The following SMOC2 variants were observed in gnomAD, a reference collection of about 807,000 sequenced individuals.
SMOC2 encodes the protein SPARC related modular calcium binding 2.
A neutral mutation model predicts 61.4 loss-of-function variants in SMOC2; 39 were observed. That is an observed-to-expected ratio of 0.64 (90% CI 0.49 to 0.83). The LOEUF is 0.83. SMOC2 is among the 40% of genes least tolerant of loss of function. SMOC2 has a pLI of 0.00. For missense variants in SMOC2, 556 were observed against 592.9 expected (o/e 0.94, Z 0.65); for synonymous variants, 247 against 239.9 (o/e 1.03, Z -0.27).
chr6:168,659,079 A>G lies in SMOC2; in HGVS notation c.1286-4995A>G, dbSNP rs117366900. Among the ~76,000 whole-genome samples, 28 of 114,670 alleles carry G rather than the reference A, an allele frequency of 2.4e-4. No individual in the cohort carries two copies. In the South Asian group the frequency reaches 6.6e-3, roughly 27 times the overall value. 75.2% of individuals were successfully genotyped at this position (114,670 alleles called of 152,430 possible). A position where few individuals can be genotyped will look rare whatever the true frequency, so the allele number is the denominator to read the frequency against. ...TGGGGTGTGTGTGTGAGTGGTGTGTATGTATGTGTATAGCATGTGGTGTGT... is the reference window on the plus strand; with the variant it reads ...TGGGGTGTGTGTGTGAGTGGTGTGTGTGTATGTGTATAGCATGTGGTGTGT... On this transcript the variant is annotated intron_variant, in intron 11 of 12. Coordinates refer to ENST00000356284, the MANE Select transcript of SMOC2 (RefSeq NM_001166412.2).
intron 7 of SMOC2, among the ~76,000 whole-genome samples, chr6:168,566,620 T>C (rs1784548807): frequency 6.6e-6 from 1 of 151,964 alleles, no homozygotes; most frequent in South Asian, 2.1e-4. Flanking sequence ...TAGCTGGGAC[T>C]ACAGGCACGT....
At chr6:168,487,202 G>A (rs1268747556) in intron 1 of SMOC2, among the ~76,000 whole-genome samples, 1 of 152,162 alleles carries the variant, frequency 6.6e-6, no homozygotes, top group Non-Finnish European at 1.5e-5. Flanking sequence ...ACCTCCACAG[G>A]GCCCCTTAAA....
At position 168,666,567 on chromosome 6, in the gene SMOC2, G is replaced by T; in HGVS notation, c.*129G>T. 1 of 1,034,946 alleles carries T rather than the reference G, an allele frequency of 9.7e-7. No homozygotes were observed. Among genetic ancestry groups the T allele is most frequent in the South Asian group, 1.4e-5 (1 of 70,538 alleles). 64.1% of individuals were successfully genotyped at this position (1,034,946 alleles called of 1,614,324 possible). ...ACTTTAAATGTAAATTCACTTTGTA[G>T]AAATGAGCTATTTAAACAGACTGTT... On this transcript the variant is annotated 3_prime_UTR_variant, in exon 13 of 13. Transcript: ENST00000356284.
chr6:168,544,438 C>G lies in SMOC2; in HGVS notation c.511+766C>G, dbSNP rs902326050. 2.0e-5 allele frequency among the ~76,000 whole-genome samples: 3 copies of G among 152,106 alleles called. No homozygotes were observed. Among genetic ancestry groups the G allele is most frequent in the Non-Finnish European group, 4.4e-5 (3 of 68,038 alleles). On this transcript the variant is annotated intron_variant, in intron 5 of 12. Transcript: ENST00000356284. This position sits in a 1 kb window ranked among gnomAD's most constrained non-coding sequence, Gnocchi z 4.1. ...AAAATAATATAAACACAGACCAGGCCGAGGCAGGCAGATCACCTGAGGTCA... is the reference window on the plus strand; with the variant it reads ...AAAATAATATAAACACAGACCAGGCGGAGGCAGGCAGATCACCTGAGGTCA...
chr6:168,664,523 C>G (rs1787607872), intron 12 of SMOC2: 1 of 386,786 alleles, frequency 2.6e-6, no homozygotes, highest in East Asian at 7.3e-5. Context: ...TGAATTTTTT[C>G]AAGCAATTGT....
intron 7 of SMOC2, among the ~76,000 whole-genome samples, chr6:168,586,747 A>T (rs552016362): frequency 6.6e-6 from 1 of 152,284 alleles, no homozygotes; most frequent in East Asian, 1.9e-4. Context: ...ATGACATTTA[A>T]TTTTTTTAAT....
At chr6:168,470,485 G>T (rs921596012) in intron 1 of SMOC2, among the ~76,000 whole-genome samples, 19 of 152,076 alleles carry the variant, frequency 1.2e-4, no homozygotes, top group African/African-American at 3.9e-4. Flanking sequence ...GACCAGCCTG[G>T]GCAACATGAT....
chr6:168,608,247 GC>G lies in SMOC2; in HGVS notation c.907+9del. On this transcript the variant is annotated intron_variant, in intron 9 of 12. Transcript: ENST00000356284. ...AGGGCCGCCAGCTACAAGGTGAGCA[GC>G]ACCCGCGAGTGTGGCCCGAATCCAC... 1.2e-6 allele frequency: 2 copies of G among 1,610,136 alleles called. No homozygotes were observed. The highest frequency in any genetic ancestry group is 1.7e-6 in the Non-Finnish European group (2 of 1,178,366).
intron 9 of SMOC2, among the ~76,000 whole-genome samples, chr6:168,609,925 T>C (rs112673020): frequency 6.6e-6 from 1 of 152,206 alleles, no homozygotes; most frequent in Non-Finnish European, 1.5e-5. Flanking sequence ...TCGCTTCTCA[T>C]TGGTAAAAGG....
chr6:168,550,958 G>T (rs1006407581), intron 7 of SMOC2, among the ~76,000 whole-genome samples: 5 of 152,206 alleles, frequency 3.3e-5, no homozygotes, highest in African/African-American at 1.2e-4. Flanking sequence ...GGTTGATATG[G>T]TTGGGCGTTG....
chr6:168,488,323 T>C (rs1782383416), intron 1 of SMOC2, among the ~76,000 whole-genome samples: 2 of 152,234 alleles, frequency 1.3e-5, no homozygotes, highest in South Asian at 4.1e-4. Flanking sequence ...TCTATGCCCA[T>C]CTGTGTCTGT....
At chr6:168,576,937 C>A (rs887020132) in intron 7 of SMOC2, among the ~76,000 whole-genome samples, 1 of 151,864 alleles carries the variant, frequency 6.6e-6, no homozygotes, top group Non-Finnish European at 1.5e-5. Flanking sequence ...TTCCTTTATA[C>A]CTGGAGAAAG....
In SMOC2 at chr6:168,563,924, G is replaced by A. The variant is rs972835864; in HGVS notation, c.637+14721G>A. 1.2e-4 allele frequency among the ~76,000 whole-genome samples: 18 copies of A among 152,236 alleles called. No individual in the cohort carries two copies. In the East Asian group the frequency reaches 3.5e-3, roughly 30 times the overall value. On this transcript the variant is annotated intron_variant, in intron 7 of 12. Coordinates refer to ENST00000356284, the MANE Select transcript of SMOC2 (RefSeq NM_001166412.2). ...GCTTCAGGGGCCTGCAGGGGGCGGG[G>A]GCGGGTGCTCACCTGCCTCATCTCA...
intron 12 of SMOC2, 130 bp downstream of exon 12, chr6:168,664,241 A>C (rs1787595533): frequency 1.2e-6 from 1 of 808,984 alleles, no homozygotes; most frequent in Non-Finnish European, 2.1e-6. Flanking sequence ...AATTCAAGGG[A>C]GGCAAGCTTA....
intron 9 of SMOC2, among the ~76,000 whole-genome samples, chr6:168,640,750 A>G (rs1583180719): frequency 6.6e-6 from 1 of 152,354 alleles, no homozygotes; most frequent in Admixed American, 6.5e-5. Context: ...GGAATGTTGT[A>G]GAAAAAAACT....
intron 9 of SMOC2, among the ~76,000 whole-genome samples, chr6:168,618,855 G>A (rs1259340313): frequency 6.6e-6 from 1 of 152,184 alleles, no homozygotes; most frequent in Non-Finnish European, 1.5e-5. Flanking sequence ...GACAGCGATG[G>A]CAGGAAAGCT....
At chr6:168,600,434 C>A (rs9455672) in intron 8 of SMOC2, among the ~76,000 whole-genome samples, 2,659 of 25,038 alleles carry the variant, frequency 0.11, 624 homozygotes, top group Non-Finnish European at 0.13. Context: ...AAAAAAAAAA[C>A]AAAAAAAAAA....
chr6:168,622,634 G>C (rs562882307), intron 9 of SMOC2, among the ~76,000 whole-genome samples: 1 of 152,072 alleles, frequency 6.6e-6, no homozygotes, highest in East Asian at 1.9e-4. Context: ...GACTGTTGCC[G>C]TGTCAAGAAA....
chr6:168,633,092 A>T (rs16887232), intron 9 of SMOC2, among the ~76,000 whole-genome samples: 3,664 of 152,290 alleles, frequency 0.024, 281 homozygotes, highest in Admixed American at 0.16. Flanking sequence ...CTGCTGTTTG[A>T]GGACGTAGGG....
Sources: allele counts gnomAD v4.1 joint callset (sites outside exome capture counted in the v4.1 genomes callset), GRCh38; gene constraint gnomAD v4.1.1; non-coding constraint Gnocchi (gnomAD v3.1); transcripts MANE v1.5; gene names NCBI Gene and HGNC (gene_info 2026-07-23, HGNC 2026-07-21).